EFR3A: variants seen among roughly 807,000 people sequenced by gnomAD.
The protein encoded by EFR3A is EFR3 homolog A, also known as protein EFR3 homolog A.
EFR3A carries 76 observed loss-of-function variants against 104.4 expected under a neutral mutation model. The observed-to-expected ratio is 0.73, with a 90% CI of 0.60 to 0.88. EFR3A has a LOEUF of 0.88. Ranked by LOEUF, EFR3A falls within the 40% of genes least tolerant of loss-of-function variation. The pLI is 0.00. For synonymous variants in EFR3A, 330 were observed against 330.0 expected (o/e 1.00, Z 0.00); for missense variants, 985 against 1,012.5 (o/e 0.97, Z 0.37).
intron 22 of EFR3A, among the ~76,000 whole-genome samples, chr8:132,003,712 T>C (rs1161850791): frequency 6.6e-6 from 1 of 152,206 alleles, no homozygotes; most frequent in African/African-American, 2.4e-5. Flanking sequence ...AGATAGCTCA[T>C]TTGAATTATT....
At chr8:131,955,631 T>A in intron 6 of EFR3A, 137 bp from the exon 7 acceptor site, 1 of 847,034 alleles carries the variant, frequency 1.2e-6, no homozygotes. Flanking sequence ...ATTCATGAAA[T>A]TAGAATTAAG....
intron 8 of EFR3A, among the ~76,000 whole-genome samples, chr8:131,964,765 G>C (rs200681626): frequency 7.9e-5 from 12 of 152,234 alleles, no homozygotes; most frequent in African/African-American, 2.6e-4. Context: ...CCAAGTCAAT[G>C]CTAAGCCAAA....
At chr8:131,947,417 A>G (rs1818493761) in intron 4 of EFR3A, among the ~76,000 whole-genome samples, 1 of 151,994 alleles carries the variant, frequency 6.6e-6, no homozygotes, top group Non-Finnish European at 1.5e-5. Flanking sequence ...AGAGTACTTT[A>G]TCAGATATAT....
At position 132,001,742 on chromosome 8, in the gene EFR3A, T is replaced by G. The variant is rs753919645; in HGVS notation, c.2158-17T>G. On this transcript the variant is annotated splice_polypyrimidine_tract_variant and intron_variant, in intron 19 of 22. Coordinates refer to ENST00000254624, the MANE Select transcript of EFR3A (RefSeq NM_015137.6). ...GACCCTTTTTAACTCTCGATTTCAC[T>G]TATCACTTTTCTCTAGGTTAGTAAC... 1.9e-6 allele frequency: 3 copies of G among 1,609,938 alleles called. No individual in the cohort carries two copies. Among genetic ancestry groups the G allele is most frequent in the Non-Finnish European group, 2.5e-6 (3 of 1,176,594 alleles).
chr8:131,972,888 T>A (rs1331449045), intron 10 of EFR3A, among the ~76,000 whole-genome samples: 1 of 152,038 alleles, frequency 6.6e-6, no homozygotes, highest in Admixed American at 6.6e-5. Flanking sequence ...GTTTTTGAAG[T>A]TTATGGATAT....
intron 1 of EFR3A, among the ~76,000 whole-genome samples, chr8:131,930,532 A>T (rs1817543003): frequency 6.6e-6 from 1 of 151,164 alleles, no homozygotes; most frequent in African/African-American, 2.4e-5. Context: ...AAATTTGATC[A>T]TGATAATTTC....
chr8:131,924,506 G>A (rs1191988268), intron 1 of EFR3A, among the ~76,000 whole-genome samples: 1 of 152,110 alleles, frequency 6.6e-6, no homozygotes, highest in Non-Finnish European at 1.5e-5. Flanking sequence ...GGCATTATAT[G>A]CTTGTACAGC....
intron 5 of EFR3A, among the ~76,000 whole-genome samples, chr8:131,950,760 T>G (rs1818659238): frequency 6.6e-6 from 1 of 152,126 alleles, no homozygotes; most frequent in Non-Finnish European, 1.5e-5. Flanking sequence ...GTAGATAAAT[T>G]GAATGAATGT....
intron 22 of EFR3A, among the ~76,000 whole-genome samples, chr8:132,005,988 A>G (rs1440210546): frequency 6.6e-6 from 1 of 152,202 alleles, no homozygotes; most frequent in African/African-American, 2.4e-5. Context: ...AATATCTGGA[A>G]ATTAAAAGAC....
At chr8:131,936,189 G>A (rs1321156501) in intron 1 of EFR3A, among the ~76,000 whole-genome samples, 1 of 152,114 alleles carries the variant, frequency 6.6e-6, no homozygotes, top group Admixed American at 6.5e-5. Context: ...CTACTGTTTA[G>A]GGACTAAGAG....
intron 1 of EFR3A, among the ~76,000 whole-genome samples, chr8:131,931,427 T>C (rs533269246): frequency 6.6e-6 from 1 of 152,294 alleles, no homozygotes; most frequent in African/African-American, 2.4e-5. Context: ...ATTAGGTATA[T>C]ATAGTTATAC....
rs1820484765 is a variant in EFR3A, at chr8:131,979,339, T to G, written c.1500-7T>G. ...TTCATTAAAAATGATATATTGATCG[T>G]CTCTAGAATAATACCGGATGTAGCT... On this transcript the variant is annotated splice_polypyrimidine_tract_variant and splice_region_variant and intron_variant, in intron 13 of 22. Coordinates refer to ENST00000254624, the MANE Select transcript of EFR3A (RefSeq NM_015137.6). 1 of 1,543,430 alleles carries G rather than the reference T, an allele frequency of 6.5e-7. No homozygotes were observed. The highest frequency in any genetic ancestry group is 1.2e-5 in the South Asian group (1 of 82,818).
chr8:131,959,426 A>G (rs1048635251), intron 7 of EFR3A, among the ~76,000 whole-genome samples, 159 bp from the exon 8 acceptor site: 4 of 152,232 alleles, frequency 2.6e-5, no homozygotes, highest in African/African-American at 9.6e-5. Flanking sequence ...TTTAATTGCA[A>G]CATATATTTC....
At chr8:131,963,292 T>G (rs1288998906) in intron 8 of EFR3A, among the ~76,000 whole-genome samples, 2 of 151,882 alleles carry the variant, frequency 1.3e-5, no homozygotes, top group African/African-American at 2.4e-5. Context: ...GCTGGTTTTT[T>G]GAAAAGATCA....
chr8:131,904,236 G>A lies in EFR3A; in HGVS notation c.-77G>A. ...TTCCGGCCTCCGCGGCCCAGCAACG[G>A]CCGTCATGGTGCCGTCGGCGCTCCC... is the stretch of plus-strand genomic sequence containing the variant. On this transcript the variant is annotated 5_prime_UTR_variant, in exon 1 of 23. Coordinates refer to ENST00000254624, the MANE Select transcript of EFR3A (RefSeq NM_015137.6). 7.9e-7 allele frequency: 1 copy of A among 1,271,020 alleles called. No individual in the cohort carries two copies. The allele number at this position is 1,271,020 out of a possible 1,614,324, so 78.7% of individuals were successfully genotyped here. A position where few individuals can be genotyped will look rare whatever the true frequency, so the allele number is the denominator to read the frequency against.
intron 6 of EFR3A, among the ~76,000 whole-genome samples, chr8:131,955,456 T>C (rs1038399106): frequency 1.3e-5 from 2 of 152,156 alleles, no homozygotes; most frequent in African/African-American, 4.8e-5. Context: ...CCTGTGTTCT[T>C]ACTAAGATTT....
rs761499534 is a variant in EFR3A at position 131,946,643 on chromosome 8, A to G, written c.366+10A>G. 6 of 1,569,734 alleles carry G rather than the reference A, an allele frequency of 3.8e-6. No homozygotes were observed. In the African/African-American group the frequency reaches 6.8e-5, roughly 18 times the overall value. On this transcript the variant is annotated intron_variant, in intron 4 of 22. Coordinates refer to ENST00000254624, the MANE Select transcript of EFR3A (RefSeq NM_015137.6). Reference sequence around the variant, plus strand: ...TCTTGGAACAAATTCTGTGAGTAAAACTATTCTGTTACTAAATGTATGCTT... The same window carrying G: ...TCTTGGAACAAATTCTGTGAGTAAAGCTATTCTGTTACTAAATGTATGCTT...
At chr8:131,914,417 A>G (rs1238102007) in intron 1 of EFR3A, among the ~76,000 whole-genome samples, 3 of 152,186 alleles carry the variant, frequency 2.0e-5, no homozygotes, top group Non-Finnish European at 4.4e-5. Context: ...TTCCCCTGGC[A>G]CAGCATCCTC....
intron 5 of EFR3A, 65 bp from the exon 6 acceptor site, chr8:131,953,753 G>A (rs961245031): frequency 5.8e-6 from 8 of 1,373,872 alleles, no homozygotes; most frequent in African/African-American, 1.5e-5. Context: ...TCTTAGCTAC[G>A]CAAACAGTCT....
Sources: allele counts gnomAD v4.1 joint callset (sites outside exome capture counted in the v4.1 genomes callset), GRCh38; gene constraint gnomAD v4.1.1; transcripts MANE v1.5; gene names NCBI Gene and HGNC (gene_info 2026-07-23, HGNC 2026-07-21).